TRAPPC8: variants seen among roughly 807,000 people sequenced by gnomAD.
TRAPPC8 encodes general sporulation gene 1 homolog.
Under a neutral mutation model 174.3 loss-of-function variants are expected in TRAPPC8, and 54 were observed. The observed-to-expected ratio is 0.31, with a 90% CI of 0.25 to 0.39. The LOEUF is 0.39. TRAPPC8 is among the 10% of genes least tolerant of loss of function. The probability of loss-of-function intolerance (pLI) is 1.00; values close to 1 mark genes in which losing one functional copy is unlikely to be tolerated. For synonymous variants in TRAPPC8, 630 were observed against 579.9 expected (o/e 1.09, Z -1.24); for missense variants, 1,531 against 1,699.1 (o/e 0.90, Z 1.74).
intron 26 of TRAPPC8, among the ~76,000 whole-genome samples, chr18:31,841,862 C>G (rs796257406): frequency 6.6e-6 from 1 of 152,138 alleles, no homozygotes; most frequent in Non-Finnish European, 1.5e-5. Context: ...CTTTCTCTAG[C>G]TGAATGTTTT....
intron 19 of TRAPPC8, 66 bp from the exon 20 acceptor site, chr18:31,858,048 C>A: frequency 7.7e-7 from 1 of 1,294,508 alleles, no homozygotes; most frequent in Non-Finnish European, 1.1e-6. Flanking sequence ...ATGAATAACA[C>A]TTTAAGACAC....
At chr18:31,832,019 T>A in intron 28 of TRAPPC8, 65 bp downstream of exon 28, 1 of 1,094,648 alleles carries the variant, frequency 9.1e-7, no homozygotes, top group South Asian at 1.5e-5. Flanking sequence ...AGGTAATTAT[T>A]TGCATAATTT....
chr18:31,830,995 G>A lies in TRAPPC8; in HGVS notation c.4074-6C>T, dbSNP rs1948911948. On this transcript the variant is annotated splice_region_variant and splice_polypyrimidine_tract_variant and intron_variant, in intron 28 of 28. Coordinates refer to ENST00000283351, the MANE Select transcript of TRAPPC8 (RefSeq NM_014939.5). ...GGATTTCCAGTGCTTCTGGACTAAGGGAGGAGGAAAATGTAAGTTGCAGGA... is the reference window on the plus strand; with the variant it reads ...GGATTTCCAGTGCTTCTGGACTAAGAGAGGAGGAAAATGTAAGTTGCAGGA... 6.3e-7 allele frequency: 1 copy of A among 1,588,998 alleles called. No homozygotes were observed. The highest frequency in any genetic ancestry group is 8.6e-7 in the Non-Finnish European group (1 of 1,166,388).
chr18:31,921,320 A>G (rs1319544381), intron 2 of TRAPPC8, among the ~76,000 whole-genome samples: 1 of 152,134 alleles, frequency 6.6e-6, no homozygotes, highest in African/African-American at 2.4e-5. Context: ...GCTGTGAATA[A>G]AGAGATCTTT....
chr18:31,920,051 T>C (rs1425866164), intron 2 of TRAPPC8, among the ~76,000 whole-genome samples: 2 of 152,150 alleles, frequency 1.3e-5, no homozygotes, highest in East Asian at 1.9e-4. Context: ...GGAAATCTAA[T>C]GCATATGTAG....
intron 2 of TRAPPC8, among the ~76,000 whole-genome samples, chr18:31,930,223 G>A (rs190429602): frequency 2.0e-5 from 3 of 151,720 alleles, no homozygotes; most frequent in African/African-American, 7.3e-5. Context: ...GGGTTCAAGC[G>A]ATTCTTCTGC....
At chr18:31,840,684 C>A (rs1360496292) in intron 26 of TRAPPC8, among the ~76,000 whole-genome samples, 1 of 152,154 alleles carries the variant, frequency 6.6e-6, no homozygotes, top group East Asian at 1.9e-4. Flanking sequence ...TTTTTGACTT[C>A]AATGACAGAA....
At chr18:31,875,637 T>G (rs954161730) in intron 12 of TRAPPC8, among the ~76,000 whole-genome samples, 1 of 152,242 alleles carries the variant, frequency 6.6e-6, no homozygotes, top group African/African-American at 2.4e-5. Context: ...TGGTATTCAG[T>G]GCATTTACTG....
intron 12 of TRAPPC8, among the ~76,000 whole-genome samples, chr18:31,877,877 C>T (rs1410225457): frequency 2.7e-5 from 4 of 150,520 alleles, no homozygotes; most frequent in African/African-American, 7.3e-5. Context: ...GAGCCGAGAT[C>T]GCACCATTGC....
chr18:31,881,645 T>C (rs2035459181), intron 12 of TRAPPC8, among the ~76,000 whole-genome samples: 1 of 152,102 alleles, frequency 6.6e-6, no homozygotes, highest in African/African-American at 2.4e-5. Context: ...AATTGACAAC[T>C]GGTACCTAAT....
At chr18:31,837,050 C>T (rs1021106977) in intron 27 of TRAPPC8, among the ~76,000 whole-genome samples, 5 of 152,096 alleles carry the variant, frequency 3.3e-5, no homozygotes, top group African/African-American at 1.2e-4. Context: ...GCGTGAGCCA[C>T]CGCGCCCGGC....
chr18:31,855,791 G>C lies in TRAPPC8; in HGVS notation c.3205C>G (p.His1069Asp). ...CGACTGGTACAAATAATTGCAGTGT[G>C]TCTTAATATTCTGTGCCTGAAGTTA... ...QPKIRHRILR[H>D]TAIICTSRSL... The change falls in exon 21 of 29, where the codon CAC (histidine) becomes GAC (aspartate). Residue 1069 changes from histidine to aspartate, a missense_variant. By Grantham distance (81) the His-to-Asp change is moderately conservative. Transcript: ENST00000283351. The C allele has an allele frequency of 6.3e-7, 1 of 1,585,252 alleles. No homozygotes were observed. Among genetic ancestry groups the C allele is most frequent in the Non-Finnish European group, 8.5e-7 (1 of 1,171,556 alleles).
At chr18:31,837,280 T>C (rs888137811) in intron 27 of TRAPPC8, among the ~76,000 whole-genome samples, 15 of 151,786 alleles carry the variant, frequency 9.9e-5, no homozygotes, top group African/African-American at 3.6e-4. Context: ...ATGCTGCTAT[T>C]GGAATATGCA....
At chr18:31,901,568 A>G (rs1042828517) in intron 9 of TRAPPC8, among the ~76,000 whole-genome samples, 3 of 152,238 alleles carry the variant, frequency 2.0e-5, no homozygotes, top group Non-Finnish European at 4.4e-5. Flanking sequence ...AGAGGCTTCC[A>G]TTACAGGTAA....
chr18:31,899,505 A>C (rs1021594304), intron 10 of TRAPPC8, among the ~76,000 whole-genome samples: 5 of 152,230 alleles, frequency 3.3e-5, no homozygotes, highest in Non-Finnish European at 5.9e-5. Flanking sequence ...AATTGCCTCT[A>C]TATCTGCCTT....
At chr18:31,839,494 C>A in intron 26 of TRAPPC8, 37 bp from the exon 27 acceptor site, 4 of 1,525,794 alleles carry the variant, frequency 2.6e-6, no homozygotes, top group Admixed American at 2.2e-5. Flanking sequence ...ACAATAAAAA[C>A]ACTACCTTGT....
chr18:31,876,512 AG>A (rs1383521125), intron 12 of TRAPPC8, among the ~76,000 whole-genome samples: 30 of 148,420 alleles, frequency 2.0e-4, no homozygotes, highest in Admixed American at 6.0e-4. Flanking sequence ...AAAAAAAAAA[AG>A]ATCACTTACT....
chr18:31,854,690 C>T (rs974575372), intron 21 of TRAPPC8, among the ~76,000 whole-genome samples: 1 of 151,888 alleles, frequency 6.6e-6, no homozygotes, highest in African/African-American at 2.4e-5. Flanking sequence ...CATTTTTGGC[C>T]GAGCACGGTG....
At chr18:31,849,992 A>T (rs1365718618) in intron 24 of TRAPPC8, among the ~76,000 whole-genome samples, 2 of 151,730 alleles carry the variant, frequency 1.3e-5, no homozygotes, top group African/African-American at 4.8e-5. Context: ...TTACTCTGTC[A>T]TCCAGGCTGG....
Sources: gnomAD v4.1 joint callset for allele counts (sites outside exome capture counted in the v4.1 genomes callset) on GRCh38, gnomAD v4.1.1 for gene constraint, MANE v1.5 for transcripts, NCBI Gene and HGNC (gene_info 2026-07-23, HGNC 2026-07-21) for gene names.